Variants in CFLAR observed in about 807,000 individuals in gnomAD.
CFLAR encodes CASP8 and FADD-like apoptosis regulator.
Under a neutral mutation model 51.1 loss-of-function variants are expected in CFLAR, and 14 were observed. The ratio of observed to expected loss-of-function variants is 0.27; its 90% confidence interval spans 0.18 to 0.43. The LOEUF (loss-of-function observed/expected upper bound fraction) is 0.43, where lower values mean the gene tolerates loss of function less well. CFLAR is among the 20% of genes least tolerant of loss of function. CFLAR has a pLI of 1.00. For synonymous variants in CFLAR, 210 were observed against 211.6 expected, an observed-to-expected ratio of 0.99 and a Z score of 0.06; for missense variants, 390 against 566.5, an observed-to-expected ratio of 0.69 and a Z score of 3.16.
intron 7 of CFLAR, 109 bp downstream of exon 7, chr2:201,149,161 G>A: frequency 1.4e-6 from 1 of 719,532 alleles, no homozygotes; most frequent in Admixed American, 2.2e-5. Context: ...GTGGGACTCT[G>A]AGAGTGTTGT....
intron 4 of CFLAR, 120 bp from the exon 5 acceptor site, chr2:201,140,236 TG>T: frequency 8.0e-7 from 1 of 1,255,332 alleles, no homozygotes; most frequent in African/African-American, 1.6e-5. Context: ...TTCAGTAAGG[TG>T]GCTAGAAAGT....
chr2:201,136,201 G>A, intron 4 of CFLAR, 94 bp downstream of exon 4: 1 of 1,611,256 alleles, frequency 6.2e-7, no homozygotes, highest in Non-Finnish European at 8.5e-7. Flanking sequence ...TGGATAGGTG[G>A]ATGGAATGGA....
chr2:201,120,206 GAC>G (rs1299778017), intron 1 of CFLAR, among the ~76,000 whole-genome samples: 1 of 146,478 alleles, frequency 6.8e-6, no homozygotes, highest in Non-Finnish European at 1.5e-5. Flanking sequence ...TTTTTTTTGA[GAC>G]AGAGTCTCAC....
Position 201,138,784 on chromosome 2 carries a change from G to A in CFLAR, c.524-1573G>A, listed in dbSNP as rs1056007373. 3.1e-5 allele frequency: 24 copies of A among 766,272 alleles called. No homozygotes were observed. The highest frequency in any genetic ancestry group is 1.7e-4 in the African/African-American group (10 of 58,882). The allele number at this position is 766,272 out of a possible 1,614,324, so 47.5% of individuals were successfully genotyped here. On this transcript the variant is annotated intron_variant, in intron 4 of 9. Transcript: ENST00000309955. This position sits in a 1 kb window ranked among gnomAD's most constrained non-coding sequence, Gnocchi z 4.0. ...TGGAACTCTGGGGTGCAGTTGTGGT[G>A]AATGAAACCAGTACCTCCCATCAGA...
At chr2:201,120,909 A>G (rs561054568) in intron 1 of CFLAR, among the ~76,000 whole-genome samples, 1 of 152,304 alleles carries the variant, frequency 6.6e-6, no homozygotes, top group African/African-American at 2.4e-5. Context: ...GAGTGAACCA[A>G]ATTCCCTGCA....
chr2:201,141,257 A>G (rs1938776560), intron 5 of CFLAR: 1 of 1,381,368 alleles, frequency 7.2e-7, no homozygotes. Context: ...TCCTACCCCT[A>G]TAATACTGAC....
chr2:201,160,329 T>C, intron 8 of CFLAR, 103 bp from the exon 9 acceptor site: 1 of 1,266,978 alleles, frequency 7.9e-7, no homozygotes, highest in Non-Finnish European at 1.1e-6. Context: ...AAGCAGAAGC[T>C]TTTCATAATG....
chr2:201,142,246 G>A lies in CFLAR; in HGVS notation c.606+1807G>A, dbSNP rs552935193. On this transcript the variant is annotated intron_variant, in intron 5 of 9. Coordinates refer to ENST00000309955, the MANE Select transcript of CFLAR (RefSeq NM_003879.7). ...GGTGTGAGTGTGCCACTGCACTCCA[G>A]CCCTGGTGACAGAGTGAGACCTTGT... Among the ~76,000 whole-genome samples the A allele has an allele frequency of 1.2e-4, 18 of 151,506 alleles. No individual in the cohort carries two copies. The South Asian group carries it at 3.7e-3, about 32-fold the overall frequency.
Position 201,164,191 on chromosome 2 carries a change from G to A in CFLAR, c.*218G>A, listed in dbSNP as rs554940753. ...GAGGTGGGAGGATCTTTTGAACCCA[G>A]GAGTTCAGGGTCATAGCATGCTGTG... On this transcript the variant is annotated 3_prime_UTR_variant, in exon 10 of 10. Coordinates refer to ENST00000309955, the MANE Select transcript of CFLAR (RefSeq NM_003879.7). The A allele has an allele frequency of 2.8e-4, 110 of 397,348 alleles. No individual in the cohort carries two copies. Among genetic ancestry groups the A allele is most frequent in the Middle Eastern group, 7.2e-4 (1 of 1,392 alleles). 24.6% of individuals were successfully genotyped at this position (397,348 alleles called of 1,614,324 possible). A position where few individuals can be genotyped will look rare whatever the true frequency, so the allele number is the denominator to read the frequency against.
At position 201,170,959 on chromosome 2, in the gene CFLAR, TCACCTAAACA is replaced by T. The variant is rs1943974143; in HGVS notation, c.*6988_*6997del. On this transcript the variant is annotated 3_prime_UTR_variant, in exon 10 of 10. Transcript: ENST00000309955. ...CAATATTAATTACTTACAAATAACC[TCACCTAAACA>T]CTACTCAGCCATAAAAAGGAATGAA... 1 of 152,204 alleles carries T rather than the reference TCACCTAAACA, an allele frequency of 6.6e-6. No individual in the cohort carries two copies. Among genetic ancestry groups the T allele is most frequent in the Non-Finnish European group, 1.5e-5 (1 of 68,038 alleles). The allele number at this position is 152,204 out of a possible 1,614,324, so 9.4% of individuals were successfully genotyped here.
intron 5 of CFLAR, chr2:201,141,333 T>A (rs1293849597): frequency 5.2e-6 from 8 of 1,545,060 alleles, no homozygotes; most frequent in Non-Finnish European, 7.0e-6. Context: ...CCAGAGATAG[T>A]CTACACATAT....
chr2:201,129,806 G>C lies in CFLAR; in HGVS notation c.-60G>C. 1 of 1,514,306 alleles carries C rather than the reference G, an allele frequency of 6.6e-7. No homozygotes were observed. Among genetic ancestry groups the C allele is most frequent in the African/African-American group, 1.4e-5 (1 of 72,498 alleles). The allele number at this position is 1,514,306 out of a possible 1,614,324, so 93.8% of individuals were successfully genotyped here. The stretch of plus-strand genomic sequence containing the variant: ...GAAGTTGACTGCCTGCTGGCTTTCT[G>C]TTGACTGGCCCGGAGCTGTACTGCA... On this transcript the variant is annotated 5_prime_UTR_variant, in exon 2 of 10. Coordinates refer to ENST00000309955, the MANE Select transcript of CFLAR (RefSeq NM_003879.7).
chr2:201,146,474 C>A (rs554530443), intron 6 of CFLAR: 1 of 152,116 alleles, frequency 6.6e-6, no homozygotes, highest in African/African-American at 2.4e-5. Context: ...GTACAGATAA[C>A]GTTTCATCAT....
chr2:201,130,290 C>T, intron 2 of CFLAR, 144 bp downstream of exon 2: 1 of 567,620 alleles, frequency 1.8e-6, no homozygotes, highest in East Asian at 3.3e-5. Context: ...GATGATGTCA[C>T]TTCATTCCTG....
chr2:201,164,370 AAAG>A lies in CFLAR; in HGVS notation c.*398_*400del, dbSNP rs1455333953. 6.5e-6 allele frequency: 1 copy of A among 154,036 alleles called. No homozygotes were observed. The highest frequency in any genetic ancestry group is 1.4e-5 in the Non-Finnish European group (1 of 69,218). 9.5% of individuals were successfully genotyped at this position (154,036 alleles called of 1,614,324 possible). On this transcript the variant is annotated 3_prime_UTR_variant, in exon 10 of 10. Coordinates refer to ENST00000309955, the MANE Select transcript of CFLAR (RefSeq NM_003879.7). ...GAACTAATAGGATACATGTATATAA[AAAG>A]GGGAGTTTATTAAGGAGTATTGACT...
chr2:201,163,328 A>G, intron 9 of CFLAR: 1 of 1,211,424 alleles, frequency 8.3e-7, no homozygotes, highest in Non-Finnish European at 1.0e-6. Context: ...CCTCAAGTAT[A>G]AGATTAACTG....
chr2:201,125,910 T>G (rs962733445), intron 1 of CFLAR, among the ~76,000 whole-genome samples: 1 of 152,098 alleles, frequency 6.6e-6, no homozygotes, highest in Non-Finnish European at 1.5e-5. Context: ...CAACCATCCC[T>G]GTTTGCCTGG....
At chr2:201,123,562 C>T (rs552324637) in intron 1 of CFLAR, among the ~76,000 whole-genome samples, 2 of 152,218 alleles carry the variant, frequency 1.3e-5, no homozygotes, top group South Asian at 4.1e-4. Flanking sequence ...GCATCTAATC[C>T]CATTCAGGAG....
chr2:201,163,688 T>G, intron 9 of CFLAR, 147 bp from the exon 10 acceptor site: 9 of 1,443,892 alleles, frequency 6.2e-6, no homozygotes, highest in Non-Finnish European at 8.2e-6. Flanking sequence ...GCAAGTTAGT[T>G]TGGATCATTT....
Sources: gnomAD v4.1 joint callset for allele counts (sites outside exome capture counted in the v4.1 genomes callset) on GRCh38, gnomAD v4.1.1 for gene constraint, Gnocchi (gnomAD v3.1) non-coding constraint, MANE v1.5 for transcripts, NCBI Gene and HGNC (gene_info 2026-07-23, HGNC 2026-07-21) for gene names.